Variants in SIPA1L3 observed in about 807,000 individuals in gnomAD.
SIPA1L3 encodes the protein signal induced proliferation associated 1 like 3.
SIPA1L3 carries 59 observed loss-of-function variants against 150.1 expected under a neutral mutation model. The ratio of observed to expected loss-of-function variants is 0.39; its 90% CI spans 0.32 to 0.49. The LOEUF (loss-of-function observed/expected upper bound fraction) is 0.49, where lower values mean the gene tolerates loss of function less well. SIPA1L3 is among the 20% of genes least tolerant of loss of function. The probability of loss-of-function intolerance (pLI) is 0.86; values close to 1 mark genes in which losing one functional copy is unlikely to be tolerated. For missense variants in SIPA1L3, 2,211 were observed against 2,489.5 expected, an observed-to-expected ratio of 0.89 and a Z score of 2.38; for synonymous variants, 1,070 against 1,077.6, an observed-to-expected ratio of 0.99 and a Z score of 0.14.
chr19:38,177,929 G>A (rs1207713136), intron 15 of SIPA1L3, among the ~76,000 whole-genome samples: 1 of 152,096 alleles, frequency 6.6e-6, no homozygotes, highest in Non-Finnish European at 1.5e-5. Flanking sequence ...AGGAGGCTGA[G>A]GCACAAGAAT....
At chr19:38,128,493 G>T (rs139659578) in intron 9 of SIPA1L3, among the ~76,000 whole-genome samples, 93 of 152,326 alleles carry the variant, frequency 6.1e-4, no homozygotes, top group African/African-American at 2.2e-3. Flanking sequence ...GAATTGCAAG[G>T]AATATTTGTG....
intron 3 of SIPA1L3, among the ~76,000 whole-genome samples, chr19:38,084,069 C>G (rs1970069090): frequency 6.6e-6 from 1 of 151,916 alleles, no homozygotes; most frequent in African/African-American, 2.4e-5. Context: ...AAGGGACTCT[C>G]CTGTGAAGAA....
chr19:38,003,225 A>G (rs769834189), intron 1 of SIPA1L3, among the ~76,000 whole-genome samples: 1 of 152,186 alleles, frequency 6.6e-6, no homozygotes, highest in Non-Finnish European at 1.5e-5. Flanking sequence ...CCAGGCACCA[A>G]TGAGCAAGGC....
chr19:38,132,353 TCAAGACCAGCCTGAACCAGGCTGGAGTC>T (rs1298911356), intron 10 of SIPA1L3, among the ~76,000 whole-genome samples: 28 of 151,554 alleles, frequency 1.8e-4, no homozygotes, highest in African/African-American at 3.2e-4. Context: ...AGGCGGGAGT[TCAAGACCAGCCTGAACCAGGCTGGAGTC>T]CAAGACCAGC....
At chr19:38,140,115 T>C (rs1254599280) in intron 10 of SIPA1L3, among the ~76,000 whole-genome samples, 1 of 152,140 alleles carries the variant, frequency 6.6e-6, no homozygotes, top group Non-Finnish European at 1.5e-5. Flanking sequence ...ACGGGGTGGC[T>C]CCAGGGAATT....
chr19:38,125,753 C>A (rs1036470813), intron 9 of SIPA1L3, among the ~76,000 whole-genome samples: 33 of 152,330 alleles, frequency 2.2e-4, no homozygotes, highest in African/African-American at 6.0e-4. Context: ...TAACGGTATC[C>A]CATCACTGGT....
chr19:37,997,772 G>A (rs2694065), intron 1 of SIPA1L3, among the ~76,000 whole-genome samples: 112,624 of 150,996 alleles, frequency 0.75, 42,238 homozygotes, highest in East Asian at 0.95. Flanking sequence ...AGGCTGAGGC[G>A]GGAGAATCGC....
At chr19:38,064,579 A>T (rs189295593) in intron 2 of SIPA1L3, among the ~76,000 whole-genome samples, 2 of 152,118 alleles carry the variant, frequency 1.3e-5, no homozygotes, top group African/African-American at 4.8e-5. Flanking sequence ...GGTGCCTGTA[A>T]TCCCAGCTGC....
At chr19:38,092,874 T>TC (rs905674302) in intron 4 of SIPA1L3, among the ~76,000 whole-genome samples, 11 of 123,290 alleles carry the variant, frequency 8.9e-5, no homozygotes, top group African/African-American at 1.4e-4. Flanking sequence ...TTTTTTTTTT[T>TC]CCCGAGACGG....
At chr19:38,065,446 G>A (rs1379608842) in intron 2 of SIPA1L3, among the ~76,000 whole-genome samples, 5 of 138,712 alleles carry the variant, frequency 3.6e-5, no homozygotes, top group Admixed American at 3.1e-4. Flanking sequence ...ATGGACTTTC[G>A]CTGTTATTGC....
At chr19:38,114,267 T>C (rs1469124571) in intron 8 of SIPA1L3, among the ~76,000 whole-genome samples, 5 of 151,480 alleles carry the variant, frequency 3.3e-5, no homozygotes, top group Non-Finnish European at 7.4e-5. Context: ...CTAAAAAATA[T>C]ATAAAATTAG....
chr19:38,139,831 G>A (rs1032016296), intron 10 of SIPA1L3, among the ~76,000 whole-genome samples: 17 of 152,154 alleles, frequency 1.1e-4, no homozygotes, highest in Non-Finnish European at 5.9e-5. Flanking sequence ...CCATGATGGG[G>A]CCTTGAATGC....
At chr19:38,177,129 A>T (rs545872405) in intron 15 of SIPA1L3, among the ~76,000 whole-genome samples, 1 of 152,242 alleles carries the variant, frequency 6.6e-6, no homozygotes, top group East Asian at 1.9e-4. Context: ...TGGGAGGCCA[A>T]GGTGGGCAGA....
At chr19:38,116,337 GTC>G (rs1251703664) in intron 8 of SIPA1L3, among the ~76,000 whole-genome samples, 1 of 151,156 alleles carries the variant, frequency 6.6e-6, no homozygotes, top group Non-Finnish European at 1.5e-5. Context: ...GTGAAACCCT[GTC>G]TCTACTAAAA....
chr19:37,925,989 C>G (rs186079350), intron 1 of SIPA1L3, among the ~76,000 whole-genome samples: 47 of 152,304 alleles, frequency 3.1e-4, no homozygotes, highest in Admixed American at 3.9e-4. Flanking sequence ...AAGAGACCAC[C>G]ACAATTCCAG....
chr19:38,007,355 A>G (rs944189772), intron 1 of SIPA1L3, among the ~76,000 whole-genome samples: 2 of 150,736 alleles, frequency 1.3e-5, no homozygotes, highest in South Asian at 2.1e-4. Context: ...CTGGAGGCTG[A>G]GGCAGGAGAA....
chr19:38,060,530 C>T (rs551686923), intron 2 of SIPA1L3, among the ~76,000 whole-genome samples: 1 of 152,132 alleles, frequency 6.6e-6, no homozygotes, highest in Non-Finnish European at 1.5e-5. Context: ...GTTTGGGAGC[C>T]CCAGTGGTGA....
At chr19:38,054,793 G>T (rs55915840) in intron 2 of SIPA1L3, among the ~76,000 whole-genome samples, 1 of 152,152 alleles carries the variant, frequency 6.6e-6, no homozygotes, top group Non-Finnish European at 1.5e-5. Context: ...CACTGTTGTC[G>T]TCCCCACTTT....
intron 2 of SIPA1L3, among the ~76,000 whole-genome samples, chr19:38,064,736 C>T (rs1043641830): frequency 3.3e-5 from 5 of 152,140 alleles, no homozygotes; most frequent in African/African-American, 7.2e-5. Flanking sequence ...AGCCAATTCT[C>T]GTTTATCACT....
Sources: gnomAD v4.1 joint callset for allele counts (sites outside exome capture counted in the v4.1 genomes callset) on GRCh38, gnomAD v4.1.1 for gene constraint, MANE v1.5 for transcripts, NCBI Gene and HGNC (gene_info 2026-07-23, HGNC 2026-07-21) for gene names.